Variants in CDK5RAP3 observed in about 807,000 individuals in gnomAD.
CDK5RAP3 encodes the protein CDK5 regulatory subunit-associated protein 3.
In CDK5RAP3, 58 loss-of-function variants were observed where a neutral mutation model predicts 73.3. The observed-to-expected ratio is 0.79, with a 90% CI of 0.64 to 0.98. The LOEUF (loss-of-function observed/expected upper bound fraction) is 0.98, where lower values mean the gene tolerates loss of function less well. Ranked by LOEUF, CDK5RAP3 falls within the 50% of genes least tolerant of loss-of-function variation. The pLI is 0.00. For synonymous variants in CDK5RAP3, 224 were observed against 247.5 expected (o/e 0.91, Z 0.89); for missense variants, 525 against 615.8 (o/e 0.85, Z 1.56).
At chr17:47,978,066 GA>G in intron 10 of CDK5RAP3, 156 bp downstream of exon 10, 1 of 444,096 alleles carries the variant, frequency 2.3e-6, no homozygotes, top group Non-Finnish European at 3.9e-6. Context: ...GGGACCAAGA[GA>G]GGTTTTTTTT....
At position 47,975,168 on chromosome 17, in the gene CDK5RAP3, C is replaced by G. The variant is rs191208235; in HGVS notation, c.344C>G (p.Ser115Cys). Residue 115 changes from serine (S) to cysteine (C), a missense_variant, in exon 6 of 14, where the codon TCT (serine) becomes TGT (cysteine). Coordinates refer to ENST00000338399, the MANE Select transcript of CDK5RAP3 (RefSeq NM_176096.3). The stretch of plus-strand genomic sequence containing the variant: ...CCTGGGCACTTCTCAGTGGAACTCT[C>G]TAGCCTCCTGGTTCGGAATGTCAAC... ...EKDNTYLVEL[S>C]SLLVRNVNYE... 205 of 1,614,144 alleles carry G rather than the reference C, an allele frequency of 1.3e-4. 2 individuals are homozygous for G. In the East Asian group the frequency reaches 4.3e-3, roughly 34 times the overall value.
chr17:47,973,799 A>G (rs963142627), intron 3 of CDK5RAP3, 132 bp from the exon 4 acceptor site: 1 of 1,243,328 alleles, frequency 8.0e-7, no homozygotes, highest in African/African-American at 1.5e-5. Flanking sequence ...TTCTTCCACT[A>G]TGAAATGATT....
rs914274697 is a variant in CDK5RAP3 at position 47,976,091 on chromosome 17, C to A, written c.798+78C>A. The A allele has an allele frequency of 5.2e-6, 8 of 1,524,224 alleles. No homozygotes were observed. The African/African-American group carries it at 8.2e-5, about 16-fold the overall frequency. 94.4% of individuals were successfully genotyped at this position (1,524,224 alleles called of 1,614,324 possible). A position where few individuals can be genotyped will look rare whatever the true frequency, so the allele number is the denominator to read the frequency against. The stretch of plus-strand genomic sequence containing the variant: ...CCTCCCCACCCCCAACAGCCCAACC[C>A]AAGACCCAGAGAGAAGAAGGGAGGA... On this transcript the variant is annotated intron_variant, in intron 8 of 13. Coordinates refer to ENST00000338399, the MANE Select transcript of CDK5RAP3 (RefSeq NM_176096.3).
At chr17:47,969,368 A>G (rs1356979319), upstream of CDK5RAP3, among the ~76,000 whole-genome samples, 1 of 151,904 alleles carries the variant, frequency 6.6e-6, no homozygotes. Context: ...CATCCTGGCT[A>G]ACACGGTGAG....
At position 47,977,923 on chromosome 17, in the gene CDK5RAP3, T is replaced by C. The variant is rs749583418; in HGVS notation, c.988+13T>C. 6.8e-6 allele frequency: 11 copies of C among 1,612,474 alleles called. No homozygotes were observed. Among genetic ancestry groups the C allele is most frequent in the Admixed American group, 1.7e-5 (1 of 59,902 alleles). On this transcript the variant is annotated intron_variant, in intron 10 of 13. Coordinates refer to ENST00000338399, the MANE Select transcript of CDK5RAP3 (RefSeq NM_176096.3). ...GCAGGAACCCAGGGTAAGTGCACCA[T>C]CCCCTGCAGCCCTGGCAAAAGTGGG...
intron 4 of CDK5RAP3, 167 bp from the exon 5 acceptor site, chr17:47,974,233 T>C: frequency 1.3e-6 from 1 of 745,226 alleles, no homozygotes; most frequent in Non-Finnish European, 2.3e-6. Flanking sequence ...AGGGATTGCC[T>C]GCACTCTTAA....
At chr17:47,974,553 C>T (rs1258881924) in intron 5 of CDK5RAP3, 105 bp downstream of exon 5, 2 of 1,589,486 alleles carry the variant, frequency 1.3e-6, no homozygotes, top group Non-Finnish European at 1.7e-6. Context: ...TGGGAAGAGA[C>T]TGGAGTGTAG....
At chr17:47,980,196 T>G in intron 11 of CDK5RAP3, 1 of 242,928 alleles carries the variant, frequency 4.1e-6, no homozygotes. Flanking sequence ...CATGTCTCAT[T>G]TTTGCATTTC....
At chr17:47,976,910 A>C in intron 9 of CDK5RAP3, 88 bp downstream of exon 9, 2 of 771,096 alleles carry the variant, frequency 2.6e-6, no homozygotes, top group South Asian at 3.5e-5. Flanking sequence ...GCATCACTTG[A>C]AGTTCATAGC....
At chr17:47,971,712 G>A (rs1325445664) in intron 2 of CDK5RAP3, among the ~76,000 whole-genome samples, 1 of 152,192 alleles carries the variant, frequency 6.6e-6, no homozygotes, top group Non-Finnish European at 1.5e-5. Context: ...GCTCATGCCT[G>A]TAATCCCAGC....
At position 47,975,960 on chromosome 17, in the gene CDK5RAP3, G is replaced by A. The variant is rs932272625; in HGVS notation, c.745G>A (p.Val249Met). Residue 249 changes from valine to methionine, a missense_variant, in exon 8 of 14, where the codon GTG (valine) becomes ATG (methionine). By Grantham distance (21) the Val-to-Met change is conservative. Transcript: ENST00000338399. ...GTGGAGGACAGGGACAGAGCCCTCTGTGGTGGAACGACCCCACCTCGAGGA... is the reference window on the plus strand; with the variant it reads ...GTGGAGGACAGGGACAGAGCCCTCTATGGTGGAACGACCCCACCTCGAGGA... Reference protein sequence around the residue: ...YEWRTGTEPSVVERPHLEELP... With the variant: ...YEWRTGTEPSMVERPHLEELP... 2 of 1,614,182 alleles carry A rather than the reference G, an allele frequency of 1.2e-6. No homozygotes were observed. The highest frequency in any genetic ancestry group is 1.3e-5 in the African/African-American group (1 of 75,050).
At position 47,971,389 on chromosome 17, in the gene CDK5RAP3, C is replaced by T; in HGVS notation, c.34C>T (p.Gln12Ter). Residue 12 changes from glutamine to a stop codon, truncating the protein, a stop_gained, in exon 2 of 14, where the codon CAG (glutamine) becomes TAG (stop). Transcript: ENST00000338399. LOFTEE classifies it high-confidence loss of function. ...CCATCAGCACGTGCCCATCGACATCCAGACCAGCAAGCTGCTCGGTAGGAG... is the reference window on the plus strand; with the variant it reads ...CCATCAGCACGTGCCCATCGACATCTAGACCAGCAAGCTGCTCGGTAGGAG... ...EDHQHVPIDIQTSKLLDWLVD... is the reference protein window; with the variant it reads ...EDHQHVPIDI 1.2e-6 allele frequency: 2 copies of T among 1,609,632 alleles called. No homozygotes were observed. Among genetic ancestry groups the T allele is most frequent in the Non-Finnish European group, 1.7e-6 (2 of 1,178,158 alleles).
chr17:47,973,992 GA>G lies in CDK5RAP3; in HGVS notation c.248del (p.Lys83ArgfsTer12), dbSNP rs747631318. ...DLLKGTEAST[K>X]NIFGRYSSQR... ...TTCTCAAAGGCACAGAGGCCTCCAC[GA>G]AGAATATTTTTGGCCGATACTCTTC... On this transcript the variant is annotated frameshift_variant, in exon 4 of 14. Coordinates refer to ENST00000338399, the MANE Select transcript of CDK5RAP3 (RefSeq NM_176096.3). LOFTEE classifies it high-confidence loss of function. The G allele has an allele frequency of 1.2e-6, 2 of 1,614,110 alleles. No homozygotes were observed. Among genetic ancestry groups the G allele is most frequent in the South Asian group, 2.2e-5 (2 of 91,078 alleles).
Position 47,981,655 on chromosome 17 carries a change from C to T in CDK5RAP3, c.*153C>T, listed in dbSNP as rs1242076067. 3 of 1,545,082 alleles carry T rather than the reference C, an allele frequency of 1.9e-6. No individual in the cohort carries two copies. The highest frequency in any genetic ancestry group is 1.4e-5 in the African/African-American group (1 of 73,442). The stretch of plus-strand genomic sequence containing the variant: ...AAGCGGCACCTGATGGTGATCTTGG[C>T]ACTCTCCATGTTCTCTACAAGAAGC... On this transcript the variant is annotated 3_prime_UTR_variant, in exon 14 of 14. Coordinates refer to ENST00000338399, the MANE Select transcript of CDK5RAP3 (RefSeq NM_176096.3).
chr17:47,973,731 G>A lies in CDK5RAP3; in HGVS notation c.184+81G>A, dbSNP rs1270214373. On this transcript the variant is annotated intron_variant, in intron 3 of 13. Coordinates refer to ENST00000338399, the MANE Select transcript of CDK5RAP3 (RefSeq NM_176096.3). ...AGCTGAGCTACTCTCTTGTTATTTA[G>A]CCACCAGGGCTGGCCTTTAGAGAGG... The A allele has an allele frequency of 3.5e-5, 54 of 1,563,234 alleles. No individual in the cohort carries two copies. The East Asian group carries it at 1.2e-3, about 34-fold the overall frequency.
intron 2 of CDK5RAP3, among the ~76,000 whole-genome samples, chr17:47,973,023 C>T (rs909940556): frequency 6.6e-6 from 1 of 152,160 alleles, no homozygotes; most frequent in African/African-American, 2.4e-5. Flanking sequence ...TCACTGTTCA[C>T]AACAGAGTCA....
At chr17:47,980,514 G>C in intron 11 of CDK5RAP3, 79 bp from the exon 12 acceptor site, 1 of 1,308,600 alleles carries the variant, frequency 7.6e-7, no homozygotes, top group Non-Finnish European at 1.1e-6. Context: ...CGATCCTCCT[G>C]CCTTGGCCTC....
In CDK5RAP3 at chr17:47,981,208, G is replaced by A; in HGVS notation, c.1329G>A (p.Gln443=). The A allele has an allele frequency of 1.9e-6, 3 of 1,614,250 alleles. No homozygotes were observed. Among genetic ancestry groups the A allele is most frequent in the Non-Finnish European group, 1.7e-6 (2 of 1,180,046 alleles). Residue 443 remains glutamine (Q), a synonymous_variant, in exon 13 of 14, where the codon CAG becomes CAA. Coordinates refer to ENST00000338399, the MANE Select transcript of CDK5RAP3 (RefSeq NM_176096.3). ...AATTCCTCCAGCAAAAGCTGAAGCA[G>A]TCCCAGCTGCTGGCTTTGAAGAAAG... The part of the protein sequence containing the change: ...VTEFLQQKLK[Q]SQLLALKKEL...
intron 10 of CDK5RAP3, chr17:47,978,546 A>G (rs2036476752): frequency 2.4e-6 from 1 of 422,194 alleles, no homozygotes; most frequent in Non-Finnish European, 4.3e-6. Context: ...AGGGCGGTGC[A>G]GGATGAAACT....
Sources: gnomAD v4.1 joint callset for allele counts (sites outside exome capture counted in the v4.1 genomes callset) on GRCh38, gnomAD v4.1.1 for gene constraint, MANE v1.5 for transcripts, NCBI Gene and HGNC (gene_info 2026-07-23, HGNC 2026-07-21) for gene names.